Variants in RELB observed in about 807,000 individuals in gnomAD.
RELB encodes RELB proto-oncogene, NF-kB subunit.
In RELB, 14 loss-of-function variants were observed where a neutral mutation model predicts 55.4. The ratio of observed to expected loss-of-function variants is 0.25; its 90% confidence interval spans 0.17 to 0.40. The LOEUF is 0.40. Among genes scored for constraint, RELB ranks in the 10% least tolerant of loss-of-function variants. The pLI is 1.00. For synonymous variants in RELB, 409 were observed against 371.3 expected, an observed-to-expected ratio of 1.10 and a Z score of -1.17; for missense variants, 669 against 830.7, an observed-to-expected ratio of 0.81 and a Z score of 2.39.
At position 45,001,656 on chromosome 19, in the gene RELB, C is replaced by T. The variant is rs747010962; in HGVS notation, c.77C>T (p.Pro26Leu). The T allele has an allele frequency of 3.2e-5, 48 of 1,522,626 alleles. No individual in the cohort carries two copies. In the Admixed American group the frequency reaches 4.4e-4, roughly 14 times the overall value. 94.3% of individuals were successfully genotyped at this position (1,522,626 alleles called of 1,614,324 possible). Residue 26 changes from proline (P) to leucine (L), a missense_variant, in exon 1 of 12, where the codon CCG (proline) becomes CTG (leucine). Transcript: ENST00000221452. ...ATGCCGAGTCGCCGCGTCGCCAGAC[C>T]GCCGGCTGCGCCGGAGCTGGGGGCC... is the stretch of plus-strand genomic sequence containing the variant. ...RAMPSRRVAR[P>L]PAAPELGALG...
At chr19:45,005,148 G>A (rs1300780136) in intron 2 of RELB, among the ~76,000 whole-genome samples, 1 of 152,142 alleles carries the variant, frequency 6.6e-6, no homozygotes, top group Non-Finnish European at 1.5e-5. Flanking sequence ...TCCAGCCTGG[G>A]TGACAGAGCA....
intron 4 of RELB, among the ~76,000 whole-genome samples, chr19:45,020,480 C>G (rs58998314): frequency 6.7e-6 from 1 of 149,276 alleles, no homozygotes; most frequent in African/African-American, 2.5e-5. Flanking sequence ...TCCCAAAGTA[C>G]TGGGATTACA....
intron 4 of RELB, among the ~76,000 whole-genome samples, chr19:45,014,570 T>C (rs1327834026): frequency 1.3e-5 from 2 of 151,272 alleles, no homozygotes; most frequent in African/African-American, 4.9e-5. Flanking sequence ...CAGGCTGGAG[T>C]GCAATGGTGC....
intron 2 of RELB, chr19:45,008,397 C>A (rs1227437278): frequency 8.8e-6 from 4 of 456,040 alleles, no homozygotes; most frequent in South Asian, 1.5e-5. Flanking sequence ...GACTCAGTCT[C>A]CCCCTACAGC....
chr19:45,014,325 G>A (rs997684430), intron 4 of RELB, among the ~76,000 whole-genome samples: 4 of 151,378 alleles, frequency 2.6e-5, no homozygotes, highest in Non-Finnish European at 4.4e-5. Flanking sequence ...GCATGCCACC[G>A]TGCCTGGCTA....
chr19:45,035,198 G>A (rs1456965645), intron 11 of RELB, among the ~76,000 whole-genome samples: 4 of 151,954 alleles, frequency 2.6e-5, no homozygotes, highest in Non-Finnish European at 5.9e-5. Context: ...GGCTTCAACA[G>A]GATAGAACGT....
At chr19:45,013,168 G>A (rs1184195139) in intron 4 of RELB, among the ~76,000 whole-genome samples, 1 of 151,908 alleles carries the variant, frequency 6.6e-6, no homozygotes, top group Non-Finnish European at 1.5e-5. Context: ...TTGAGACGGA[G>A]TCTTGGTCTG....
intron 1 of RELB, 43 bp downstream of exon 1, chr19:45,001,728 T>C: frequency 7.6e-7 from 1 of 1,315,814 alleles, no homozygotes. Context: ...GGGGCGGGGC[T>C]GGAGATGCGG....
At chr19:45,014,844 AT>A (rs1046820045) in intron 4 of RELB, among the ~76,000 whole-genome samples, 1 of 148,832 alleles carries the variant, frequency 6.7e-6, no homozygotes, top group Non-Finnish European at 1.5e-5. Flanking sequence ...GATTTCCAAG[AT>A]TTAGAATGGT....
chr19:45,018,110 T>C (rs1188922276), intron 4 of RELB, among the ~76,000 whole-genome samples: 2 of 150,154 alleles, frequency 1.3e-5, no homozygotes, highest in Admixed American at 6.6e-5. Flanking sequence ...ATACTAAAAA[T>C]ACAAAAATTC....
intron 3 of RELB, among the ~76,000 whole-genome samples, chr19:45,011,203 C>A (rs528381003): frequency 4.0e-4 from 60 of 151,088 alleles, no homozygotes; most frequent in Admixed American, 3.1e-3. Flanking sequence ...TGCTCTGTTG[C>A]GCAGGATGGA....
At chr19:45,021,836 A>G (rs1473780050) in intron 4 of RELB, 2 of 455,308 alleles carry the variant, frequency 4.4e-6, no homozygotes, top group African/African-American at 2.0e-5. Flanking sequence ...CGGCCTTCCA[A>G]CGTGCTGGGA....
At chr19:45,027,591 T>G (rs1249157763) in intron 7 of RELB, among the ~76,000 whole-genome samples, 1 of 152,150 alleles carries the variant, frequency 6.6e-6, no homozygotes, top group Non-Finnish European at 1.5e-5. Context: ...GCCAGAGGGA[T>G]GCACTGCTCT....
intron 4 of RELB, among the ~76,000 whole-genome samples, chr19:45,013,152 A>AT (rs1568398908): frequency 6.6e-6 from 1 of 151,760 alleles, no homozygotes; most frequent in South Asian, 2.1e-4. Flanking sequence ...GGTAAGTTTT[A>AT]TTTTTTTGAG....
chr19:45,017,273 T>C (rs1453539711), intron 4 of RELB, among the ~76,000 whole-genome samples: 1 of 152,154 alleles, frequency 6.6e-6, no homozygotes, highest in Non-Finnish European at 1.5e-5. Context: ...TTTTATTTGC[T>C]GCTGCCTGTG....
In RELB at chr19:45,037,907, G is replaced by A; in HGVS notation, c.*117G>A. The A allele has an allele frequency of 1.9e-6, 2 of 1,067,534 alleles. No individual in the cohort carries two copies. Among genetic ancestry groups the A allele is most frequent in the Non-Finnish European group, 2.5e-6 (2 of 791,486 alleles). 66.1% of individuals were successfully genotyped at this position (1,067,534 alleles called of 1,614,324 possible). The stretch of plus-strand genomic sequence containing the variant: ...GGCCCTTCCTCATGCTTCTGAAGTG[G>A]ACATATTCAGCCTTGGCGAGAAGCT... On this transcript the variant is annotated 3_prime_UTR_variant, in exon 12 of 12. Transcript: ENST00000221452.
chr19:45,016,006 AT>A (rs532894569), intron 4 of RELB, among the ~76,000 whole-genome samples: 8 of 149,880 alleles, frequency 5.3e-5, no homozygotes, highest in African/African-American at 9.8e-5. Flanking sequence ...TTTTATTATT[AT>A]TTTTTTTTTG....
chr19:45,025,315 C>T lies in RELB; in HGVS notation c.663-14C>T, dbSNP rs34954034. 27,355 of 1,595,900 alleles carry T rather than the reference C, an allele frequency of 0.017. 274 individuals are homozygous for T. The highest frequency in any genetic ancestry group is 0.033 in the South Asian group (2,902 of 88,676). ...CTCACGAGCACTCCTCTCCCTCCCCCGTCACCCCCTCAGTTTTAACAACCT... is the reference window on the plus strand; with the variant it reads ...CTCACGAGCACTCCTCTCCCTCCCCTGTCACCCCCTCAGTTTTAACAACCT... On this transcript the variant is annotated splice_polypyrimidine_tract_variant and intron_variant, in intron 5 of 11. Coordinates refer to ENST00000221452, the MANE Select transcript of RELB (RefSeq NM_006509.4).
In RELB at chr19:45,037,818, G is replaced by C. The variant is rs190138155; in HGVS notation, c.*28G>C. The C allele has an allele frequency of 2.0e-4, 289 of 1,473,572 alleles. 1 individual carries two copies. The African/African-American group carries it at 3.7e-3, about 19-fold the overall frequency. 91.3% of individuals were successfully genotyped at this position (1,473,572 alleles called of 1,614,324 possible). ...CCGCGATGCCAGAGGAGGGGCACTG[G>C]GTGGGGAGGGAGGTGGAGGAGCCGT... On this transcript the variant is annotated 3_prime_UTR_variant, in exon 12 of 12. Coordinates refer to ENST00000221452, the MANE Select transcript of RELB (RefSeq NM_006509.4).
Sources: gnomAD v4.1 joint callset for allele counts (sites outside exome capture counted in the v4.1 genomes callset) on GRCh38, gnomAD v4.1.1 for gene constraint, MANE v1.5 for transcripts, NCBI Gene and HGNC (gene_info 2026-07-23, HGNC 2026-07-21) for gene names.